The following DNAJC11 variants were observed in gnomAD, a reference collection of about 807,000 sequenced individuals.
DNAJC11 encodes the protein DnaJ heat shock protein family (Hsp40) member C11, also known as dnaJ homolog subfamily C member 11.
Under a neutral mutation model 78.6 loss-of-function variants are expected in DNAJC11, and 15 were observed. That is an observed-to-expected ratio of 0.19 (90% CI 0.13 to 0.29). The LOEUF (loss-of-function observed/expected upper bound fraction) is 0.29, where lower values mean the gene tolerates loss of function less well. Among genes scored for constraint, DNAJC11 ranks in the 10% least tolerant of loss-of-function variants. The probability of loss-of-function intolerance (pLI) is 1.00; values close to 1 mark genes in which losing one functional copy is unlikely to be tolerated. For missense variants in DNAJC11, 547 were observed against 709.6 expected (o/e 0.77, Z 2.60); for synonymous variants, 292 against 272.1 (o/e 1.07, Z -0.72).
At position 6,645,729 on chromosome 1, in the gene DNAJC11, C is replaced by G; in HGVS notation, c.894+60G>C. On this transcript the variant is annotated intron_variant, in intron 8 of 15. Transcript: ENST00000377577. The surrounding 1 kb of genome is among the most constrained non-coding windows in gnomAD (Gnocchi z 4.1). ...CAGGATTTAAGGGGAGCACTGAGTG[C>G]TTGGGAGGAGGGGTCCTCCCAGAGC... The G allele has an allele frequency of 3.2e-6, 5 of 1,571,736 alleles. No homozygotes were observed. The South Asian group carries it at 5.7e-5, about 18-fold the overall frequency.
intron 10 of DNAJC11, 110 bp from the exon 11 acceptor site, chr1:6,640,167 GC>G (rs1233154872): frequency 4.3e-5 from 57 of 1,334,092 alleles, no homozygotes; most frequent in Admixed American, 5.7e-5. Context: ...GCGTGCAGCT[GC>G]GAGTTAAAGG....
At chr1:6,677,731 G>A (rs1642491577) in intron 3 of DNAJC11, among the ~76,000 whole-genome samples, 1 of 152,178 alleles carries the variant, frequency 6.6e-6, no homozygotes, top group Non-Finnish European at 1.5e-5. Flanking sequence ...AGACTCTACT[G>A]CTAGTCAGTG....
At position 6,645,921 on chromosome 1, in the gene DNAJC11, C is replaced by T. The variant is rs762594280; in HGVS notation, c.762G>A (p.Leu254=). The change falls in exon 8 of 16, where the codon CTG becomes CTA. Residue 254 remains leucine (L), a synonymous_variant. Coordinates refer to ENST00000377577, the MANE Select transcript of DNAJC11 (RefSeq NM_018198.4). The surrounding 1 kb of genome is among the most constrained non-coding windows in gnomAD (Gnocchi z 4.1). ...QFSSRGIRPG[L]TTVLARNLDK... ...CTAGGTTCCGAGCTAGGACAGTGGT[C>T]AGGCCGGGTCGGATTCCACGGGATG... The T allele has an allele frequency of 1.9e-6, 3 of 1,614,142 alleles. No homozygotes were observed. In the Admixed American group the frequency reaches 5.0e-5, roughly 27 times the overall value.
intron 1 of DNAJC11, among the ~76,000 whole-genome samples, chr1:6,686,797 A>G (rs369228589): frequency 6.6e-6 from 1 of 152,244 alleles, no homozygotes; most frequent in Admixed American, 6.5e-5. Flanking sequence ...TAACAACTTA[A>G]TAACACCTCA....
chr1:6,638,218 A>T, intron 12 of DNAJC11, 77 bp downstream of exon 12: 1 of 1,444,728 alleles, frequency 6.9e-7, no homozygotes, highest in South Asian at 1.3e-5. Context: ...CTGACCTCTA[A>T]GGCCCTGAGA....
intron 1 of DNAJC11, among the ~76,000 whole-genome samples, chr1:6,700,245 G>A (rs1642903870): frequency 6.6e-6 from 1 of 151,792 alleles, no homozygotes; most frequent in South Asian, 2.1e-4. Context: ...ACAAAAAATT[G>A]CTCCTAACTC....
At chr1:6,646,883 C>T (rs774790595) in intron 7 of DNAJC11, among the ~76,000 whole-genome samples, 88 of 152,156 alleles carry the variant, frequency 5.8e-4, no homozygotes, top group Non-Finnish European at 1.1e-3. Context: ...TAGGCAGGCT[C>T]ATTGGCTCAC....
chr1:6,646,077 G>C, intron 7 of DNAJC11, 99 bp from the exon 8 acceptor site: 1 of 1,236,612 alleles, frequency 8.1e-7, no homozygotes, highest in Non-Finnish European at 1.2e-6. Flanking sequence ...TTACTGTCAC[G>C]TCTATGCATC....
At chr1:6,647,429 C>T (rs1368062766) in intron 7 of DNAJC11, among the ~76,000 whole-genome samples, 1 of 152,136 alleles carries the variant, frequency 6.6e-6, no homozygotes, top group Non-Finnish European at 1.5e-5. Flanking sequence ...GGCCGTAACT[C>T]CATCGTAAAT....
chr1:6,648,699 G>T (rs372620824), intron 7 of DNAJC11, among the ~76,000 whole-genome samples: 1 of 151,848 alleles, frequency 6.6e-6, no homozygotes, highest in East Asian at 1.9e-4. Flanking sequence ...TCAAGTGATC[G>T]TCTCACCTGG....
intron 10 of DNAJC11, among the ~76,000 whole-genome samples, chr1:6,641,775 T>C (rs866560165): frequency 6.6e-6 from 1 of 152,202 alleles, no homozygotes; most frequent in South Asian, 2.1e-4. Context: ...GTGATCCACT[T>C]TGATTCACTC....
At chr1:6,657,905 A>C (rs1401780602) in intron 4 of DNAJC11, among the ~76,000 whole-genome samples, 1 of 152,222 alleles carries the variant, frequency 6.6e-6, no homozygotes, top group Admixed American at 6.5e-5. Flanking sequence ...TTGGCCTCCC[A>C]AAGTGCTGGG....
Position 6,680,863 on chromosome 1 carries a change from T to C in DNAJC11, c.202+45A>G. On this transcript the variant is annotated intron_variant, in intron 2 of 15. Transcript: ENST00000377577. The surrounding 1 kb of genome is among the most constrained non-coding windows in gnomAD (Gnocchi z 4.0). ...CAAATCGCACCTCCTAAAAATCGAA[T>C]ATCTGTTACCAGGATGTTTCTACAA... 1 of 1,598,696 alleles carries C rather than the reference T, an allele frequency of 6.3e-7. No individual in the cohort carries two copies. The highest frequency in any genetic ancestry group is 8.6e-7 in the Non-Finnish European group (1 of 1,169,462).
chr1:6,639,750 C>T (rs576838626), intron 11 of DNAJC11, 152 bp downstream of exon 11: 141 of 743,014 alleles, frequency 1.9e-4, no homozygotes, highest in Admixed American at 3.7e-4. Flanking sequence ...CCAATCGTGA[C>T]CCAGACATCA....
Position 6,636,114 on chromosome 1 carries a change from C to T in DNAJC11, c.1654+3G>A. 1.2e-6 allele frequency: 2 copies of T among 1,613,450 alleles called. No individual in the cohort carries two copies. The highest frequency in any genetic ancestry group is 1.7e-6 in the Non-Finnish European group (2 of 1,179,694). ...TGGTGACTGCGAAGGGACGGCTACT[C>T]ACACTGCTTTGGTATCCGGAGGGCC... On this transcript the variant is annotated splice_donor_region_variant and intron_variant, in intron 15 of 15. Coordinates refer to ENST00000377577, the MANE Select transcript of DNAJC11 (RefSeq NM_018198.4).
At chr1:6,676,186 A>G (rs1642459456) in intron 3 of DNAJC11, among the ~76,000 whole-genome samples, 1 of 152,176 alleles carries the variant, frequency 6.6e-6, no homozygotes. Context: ...AGATGAGAAG[A>G]GCCAGACATA....
chr1:6,693,258 T>C (rs1251061868), intron 1 of DNAJC11, among the ~76,000 whole-genome samples: 5 of 152,120 alleles, frequency 3.3e-5, no homozygotes, highest in African/African-American at 4.8e-5. Context: ...TCTAGCACTA[T>C]GATTTTTAGT....
In DNAJC11 at chr1:6,634,615, G is replaced by C. The variant is rs778348115; in HGVS notation, c.*1060C>G. 9.5e-6 allele frequency: 13 copies of C among 1,366,316 alleles called. No homozygotes were observed. The highest frequency in any genetic ancestry group is 2.1e-4 in the Middle Eastern group (1 of 4,790). The allele number at this position is 1,366,316 out of a possible 1,614,324, so 84.6% of individuals were successfully genotyped here. A position where few individuals can be genotyped will look rare whatever the true frequency, so the allele number is the denominator to read the frequency against. ...CCAGGCCCCGAGAGACAGGCCTCAC[G>C]TAACTTTACTGCAGCCGAGGTCCAG... On this transcript the variant is annotated 3_prime_UTR_variant, in exon 16 of 16. Transcript: ENST00000377577.
rs1198719868 is a variant in DNAJC11 at position 6,653,708 on chromosome 1, C to T, written c.507+203G>A. Reference sequence around the variant, plus strand: ...ACCTTGGGAGCCAAGTGCCCCAGCCCACACTCCTGCTGGCTCACATGCCAG... The same window carrying T: ...ACCTTGGGAGCCAAGTGCCCCAGCCTACACTCCTGCTGGCTCACATGCCAG... On this transcript the variant is annotated intron_variant, in intron 5 of 15. Transcript: ENST00000377577. The surrounding 1 kb of genome is among the most constrained non-coding windows in gnomAD (Gnocchi z 4.5). 3 of 582,386 alleles carry T rather than the reference C, an allele frequency of 5.2e-6. No homozygotes were observed. The highest frequency in any genetic ancestry group is 3.8e-5 in the African/African-American group (2 of 52,262). The allele number at this position is 582,386 out of a possible 1,614,324, so 36.1% of individuals were successfully genotyped here. A position where few individuals can be genotyped will look rare whatever the true frequency, so the allele number is the denominator to read the frequency against.
Sources: gnomAD v4.1 joint callset for allele counts (sites outside exome capture counted in the v4.1 genomes callset) on GRCh38, gnomAD v4.1.1 for gene constraint, Gnocchi (gnomAD v3.1) non-coding constraint, MANE v1.5 for transcripts, NCBI Gene and HGNC (gene_info 2026-07-23, HGNC 2026-07-21) for gene names.